The following PTPRT variants were observed in gnomAD, a reference collection of about 807,000 sequenced individuals.
The protein encoded by PTPRT is protein tyrosine phosphatase receptor type T.
Under a neutral mutation model 176.8 loss-of-function variants are expected in PTPRT, and 56 were observed. The observed-to-expected ratio is 0.32, with a 90% CI of 0.26 to 0.40. The LOEUF is 0.40. Among genes scored for constraint, PTPRT ranks in the 10% least tolerant of loss-of-function variants. The probability of loss-of-function intolerance (pLI) is 1.00; values close to 1 mark genes in which losing one functional copy is unlikely to be tolerated. For synonymous variants in PTPRT, 783 were observed against 739.0 expected, an observed-to-expected ratio of 1.06 and a Z score of -0.96; for missense variants, 1,540 against 1,908.2, an observed-to-expected ratio of 0.81 and a Z score of 3.60.
rs751270382 is a variant in PTPRT, at chr20:42,441,320, AC to A, written c.1560+6899del. On this transcript the variant is annotated intron_variant, in intron 9 of 30. Coordinates refer to ENST00000373187, the MANE Select transcript of PTPRT (RefSeq NM_007050.6). ...GAAGAAGAGGAAGGAGCCAGCCCTG[AC>A]GAGTGTAGAGTGAAGAGCATTACAG... 4.6e-5 allele frequency among the ~76,000 whole-genome samples: 7 copies of A among 152,168 alleles called. No individual in the cohort carries two copies. In the East Asian group the frequency reaches 7.7e-4, roughly 17 times the overall value.
At position 42,532,264 on chromosome 20, in the gene PTPRT, T is replaced by C. The variant is rs527920184; in HGVS notation, c.1154-59702A>G. Among the ~76,000 whole-genome samples, 8 of 152,258 alleles carry C rather than the reference T, an allele frequency of 5.3e-5. No homozygotes were observed. In the East Asian group the frequency reaches 9.7e-4, roughly 18 times the overall value. On this transcript the variant is annotated intron_variant, in intron 7 of 30. Coordinates refer to ENST00000373187, the MANE Select transcript of PTPRT (RefSeq NM_007050.6). The stretch of plus-strand genomic sequence containing the variant: ...TTCCATCTCTGAAGTCCCCACCCCA[T>C]AGGGCTGTTTGTGAGGCTGATATAA...
chr20:43,169,373 A>T (rs894873085), intron 1 of PTPRT, among the ~76,000 whole-genome samples: 15 of 152,316 alleles, frequency 9.8e-5, no homozygotes, highest in Admixed American at 5.2e-4. Flanking sequence ...TCAGTAAAGC[A>T]ATAAGGTGGG....
intron 7 of PTPRT, among the ~76,000 whole-genome samples, chr20:42,521,478 C>A (rs942937220): frequency 3.3e-5 from 5 of 152,228 alleles, no homozygotes; most frequent in East Asian, 1.9e-4. Flanking sequence ...TTTATAGATC[C>A]TTTTCCAATA....
chr20:42,659,516 T>G (rs577929861), intron 7 of PTPRT, among the ~76,000 whole-genome samples: 1 of 152,348 alleles, frequency 6.6e-6, no homozygotes. Context: ...AGGTCTGTCC[T>G]CAGGGAGTTA....
rs758448014 is a variant in PTPRT at position 42,578,902 on chromosome 20, T to TGGG, written c.1153+98961_1153+98963dup. Reference sequence around the variant, plus strand: ...TTGAGTCTTGCAAGTTTTTTTTTTTTGGGGGGGGGTCGGTTTTTATTATAC... The same window carrying TGGG: ...TTGAGTCTTGCAAGTTTTTTTTTTTTGGGGGGGGGGGGTCGGTTTTTATTATAC... On this transcript the variant is annotated intron_variant, in intron 7 of 30. Transcript: ENST00000373187. Among the ~76,000 whole-genome samples, 251 of 139,720 alleles carry TGGG rather than the reference T, an allele frequency of 1.8e-3. 1 individual carries two copies. The highest frequency in any genetic ancestry group is 6.7e-3 in the African/African-American group (239 of 35,796). 91.7% of individuals were successfully genotyped at this position (139,720 alleles called of 152,430 possible). A position where few individuals can be genotyped will look rare whatever the true frequency, so the allele number is the denominator to read the frequency against.
intron 1 of PTPRT, among the ~76,000 whole-genome samples, chr20:43,040,224 C>T (rs1465718037): frequency 6.6e-6 from 1 of 152,164 alleles, no homozygotes; most frequent in Non-Finnish European, 1.5e-5. Flanking sequence ...AAAATGTTTT[C>T]ATCTATGCAG....
At chr20:42,359,773 T>C (rs537351686) in intron 9 of PTPRT, among the ~76,000 whole-genome samples, 8 of 152,248 alleles carry the variant, frequency 5.3e-5, no homozygotes, top group Non-Finnish European at 8.8e-5. Context: ...GCAGGCTTGG[T>C]TGGCTGTGCC....
intron 17 of PTPRT, among the ~76,000 whole-genome samples, chr20:42,157,434 C>T (rs374586665): frequency 4.0e-4 from 61 of 151,942 alleles, no homozygotes; most frequent in African/African-American, 1.4e-3. Context: ...CAACCTGTGC[C>T]TCCTGGGTTC....
rs935251894 is a variant in PTPRT, at chr20:42,584,774, C to T, written c.1153+93092G>A. Among the ~76,000 whole-genome samples, 11 of 152,222 alleles carry T rather than the reference C, an allele frequency of 7.2e-5. No individual in the cohort carries two copies. The East Asian group carries it at 2.1e-3, about 29-fold the overall frequency. ...TATTCCCAGGACCTAAAACAGTGTC[C>T]TGGGTGTAGGACTGATCAATAAATA... is the stretch of plus-strand genomic sequence containing the variant. On this transcript the variant is annotated intron_variant, in intron 7 of 30. Coordinates refer to ENST00000373187, the MANE Select transcript of PTPRT (RefSeq NM_007050.6).
At chr20:42,622,472 C>T (rs2074217129) in intron 7 of PTPRT, among the ~76,000 whole-genome samples, 3 of 152,120 alleles carry the variant, frequency 2.0e-5, no homozygotes, top group Non-Finnish European at 2.9e-5. Flanking sequence ...AATCTCCTGA[C>T]CTCCTGTTCC....
rs191475460 is a variant in PTPRT at position 43,184,338 on chromosome 20, C to T, written c.88+5308G>A. 3.9e-5 allele frequency among the ~76,000 whole-genome samples: 6 copies of T among 152,286 alleles called. No homozygotes were observed. In the East Asian group the frequency reaches 9.7e-4, roughly 24 times the overall value. ...TGATGGGGTTTCTGCACAGCCCTTCCGTGTGGATATACCTAGGAAGGACTA... is the reference window on the plus strand; with the variant it reads ...TGATGGGGTTTCTGCACAGCCCTTCTGTGTGGATATACCTAGGAAGGACTA... On this transcript the variant is annotated intron_variant, in intron 1 of 30. Transcript: ENST00000373187.
At chr20:43,072,130 G>A (rs759197637) in intron 1 of PTPRT, among the ~76,000 whole-genome samples, 23 of 152,164 alleles carry the variant, frequency 1.5e-4, no homozygotes, top group Non-Finnish European at 2.6e-4. Context: ...CACCAACCCT[G>A]TCTCTTGAAA....
At chr20:42,620,806 C>T (rs930935233) in intron 7 of PTPRT, among the ~76,000 whole-genome samples, 10 of 152,286 alleles carry the variant, frequency 6.6e-5, no homozygotes, top group African/African-American at 9.6e-5. Flanking sequence ...GGCTTGCGCA[C>T]GGTGCGCGCA....
intron 2 of PTPRT, among the ~76,000 whole-genome samples, chr20:42,850,945 G>A (rs1364749181): frequency 2.6e-5 from 4 of 152,140 alleles, no homozygotes; most frequent in Non-Finnish European, 5.9e-5. Flanking sequence ...ACTCCCCACA[G>A]ACATCTTCCA....
At chr20:42,318,558 A>C (rs2057753654) in intron 11 of PTPRT, among the ~76,000 whole-genome samples, 1 of 152,184 alleles carries the variant, frequency 6.6e-6, no homozygotes, top group African/African-American at 2.4e-5. Flanking sequence ...AGCTAACAAC[A>C]GACCTAAGAA....
intron 6 of PTPRT, among the ~76,000 whole-genome samples, chr20:42,753,108 C>T (rs1243741480): frequency 1.3e-5 from 2 of 152,136 alleles, no homozygotes; most frequent in African/African-American, 2.4e-5. Flanking sequence ...TCCTGCTTGC[C>T]TGGTACCTGG....
chr20:43,119,271 G>T (rs1043526355), intron 1 of PTPRT, among the ~76,000 whole-genome samples: 1 of 152,064 alleles, frequency 6.6e-6, no homozygotes, highest in Non-Finnish European at 1.5e-5. Context: ...CCTGGTTTGG[G>T]GACGGCAAGT....
intron 7 of PTPRT, among the ~76,000 whole-genome samples, chr20:42,653,448 G>T (rs970051815): frequency 6.6e-6 from 1 of 152,142 alleles, no homozygotes; most frequent in African/African-American, 2.4e-5. Context: ...AAGTATCACA[G>T]AATTGAGTGA....
chr20:42,633,784 AATAT>A (rs752371452), intron 7 of PTPRT, among the ~76,000 whole-genome samples: 6,409 of 52,936 alleles, frequency 0.12, 391 homozygotes, highest in East Asian at 0.18. Context: ...AGACTCTGAA[AATAT>A]ATATATATAT....
Sources: allele counts gnomAD v4.1 joint callset (sites outside exome capture counted in the v4.1 genomes callset), GRCh38; gene constraint gnomAD v4.1.1; transcripts MANE v1.5; gene names NCBI Gene and HGNC (gene_info 2026-07-23, HGNC 2026-07-21).